Variants in MARCHF1 observed in about 807,000 individuals in gnomAD.
MARCHF1 encodes the protein membrane associated ring-CH-type finger 1, also known as E3 ubiquitin-protein ligase MARCHF1.
A neutral mutation model predicts 54.2 loss-of-function variants in MARCHF1; 40 were observed. The ratio of observed to expected loss-of-function variants is 0.74; its 90% CI spans 0.57 to 0.96. The LOEUF (loss-of-function observed/expected upper bound fraction) is 0.96. Among genes scored for constraint, MARCHF1 ranks in the 40% least tolerant of loss-of-function variants. MARCHF1 has a pLI of 0.00. For missense variants in MARCHF1, 586 were observed against 656.5 expected (o/e 0.89, Z 1.17); for synonymous variants, 236 against 236.3 (o/e 1.00, Z 0.01).
intron 5 of MARCHF1, among the ~76,000 whole-genome samples, chr4:163,635,303 C>CCA (rs1260037819): frequency 6.8e-6 from 1 of 146,094 alleles, no homozygotes; most frequent in Non-Finnish European, 1.5e-5. Flanking sequence ...ATTAATGAAT[C>CCA]CAGGAGCTGG....
chr4:164,228,591 T>C (rs1364424339), intron 1 of MARCHF1, among the ~76,000 whole-genome samples: 2 of 152,144 alleles, frequency 1.3e-5, no homozygotes, highest in African/African-American at 4.8e-5. Context: ...CAACTGGATA[T>C]TTGACTTTTT....
chr4:163,612,329 G>T lies in MARCHF1; in HGVS notation c.952C>A (p.Pro318Thr). Residue 318 changes from proline (P) to threonine (T), a missense_variant, in exon 7 of 10, where the codon CCT becomes ACT. Physicochemically the swap from Pro to Thr is conservative, Grantham distance 38. Around this residue, in one of 3 missense-constraint regions of MARCHF1, gnomAD observed 387 missense variants for 394.6 expected, o/e 0.98. Transcript: ENST00000514618. ...MNDAGLQVNN[P>T]VQKPPATYDD... ...TAGGTGGCAGGAGGCTTCTGAACAG[G>T]GTTATTCACCTGGAGCCCTGCATCA... 6.5e-7 allele frequency: 1 copy of T among 1,534,020 alleles called. No individual in the cohort carries two copies. Among genetic ancestry groups the T allele is most frequent in the Non-Finnish European group, 8.7e-7 (1 of 1,145,984 alleles).
chr4:163,901,885 G>C (rs997424229), intron 3 of MARCHF1, among the ~76,000 whole-genome samples: 2 of 152,138 alleles, frequency 1.3e-5, no homozygotes, highest in Admixed American at 6.6e-5. Context: ...TTGTCTTCCT[G>C]TCTAAAAGCC....
chr4:163,769,759 G>C (rs1266541541), intron 4 of MARCHF1, among the ~76,000 whole-genome samples: 1 of 152,112 alleles, frequency 6.6e-6, no homozygotes, highest in Non-Finnish European at 1.5e-5. Flanking sequence ...ATGAGTAATT[G>C]CACCATAACC....
chr4:163,580,400 C>T (rs1442378645), intron 8 of MARCHF1, among the ~76,000 whole-genome samples: 2 of 151,976 alleles, frequency 1.3e-5, no homozygotes, highest in Non-Finnish European at 2.9e-5. Flanking sequence ...TTTTATAAGC[C>T]CTAACTCTTT....
chr4:163,963,663 C>A (rs1261344207), intron 3 of MARCHF1, among the ~76,000 whole-genome samples: 2 of 151,910 alleles, frequency 1.3e-5, no homozygotes, highest in Non-Finnish European at 2.9e-5. Context: ...ATTAATTTGA[C>A]AAATAAAATA....
Position 163,789,618 on chromosome 4 carries a change from A to G in MARCHF1, c.111+64403T>C, listed in dbSNP as rs984778394. 2.0e-5 allele frequency among the ~76,000 whole-genome samples: 3 copies of G among 152,228 alleles called. 1 individual carries two copies. The South Asian group carries it at 6.2e-4, about 32-fold the overall frequency. On this transcript the variant is annotated intron_variant, in intron 4 of 9. Coordinates refer to ENST00000514618, the MANE Select transcript of MARCHF1 (RefSeq NM_001394959.1). ...TTCTTGGCTCTCTCTATTATGATTT[A>G]GAAAGTCTGTGGTGGGGCATAAATT...
chr4:163,724,375 G>A (rs189995314), intron 4 of MARCHF1, among the ~76,000 whole-genome samples: 368 of 152,332 alleles, frequency 2.4e-3, no homozygotes, highest in Non-Finnish European at 4.1e-3. Flanking sequence ...TGGAAGCTTC[G>A]TCTCAGAGGG....
chr4:163,904,747 G>T (rs1159049656), intron 3 of MARCHF1, among the ~76,000 whole-genome samples: 1 of 149,456 alleles, frequency 6.7e-6, no homozygotes, highest in Non-Finnish European at 1.5e-5. Flanking sequence ...TTTCAGTATG[G>T]TTTCCAGGAG....
chr4:163,911,704 A>C (rs1221487479), intron 3 of MARCHF1, among the ~76,000 whole-genome samples: 1 of 152,196 alleles, frequency 6.6e-6, no homozygotes, highest in African/African-American at 2.4e-5. Flanking sequence ...AATTAAGGTA[A>C]AACGATGTCA....
At chr4:163,986,078 T>A (rs1408141672) in intron 3 of MARCHF1, among the ~76,000 whole-genome samples, 1 of 151,890 alleles carries the variant, frequency 6.6e-6, no homozygotes, top group East Asian at 1.9e-4. Flanking sequence ...GATTGACTAA[T>A]ATGTTTTAAA....
At chr4:163,699,602 A>G (rs1004869490) in intron 5 of MARCHF1, among the ~76,000 whole-genome samples, 4 of 152,130 alleles carry the variant, frequency 2.6e-5, no homozygotes, top group African/African-American at 7.2e-5. Flanking sequence ...GATTATGACT[A>G]TTTTGGGGAT....
At chr4:164,139,198 A>G (rs1251449869) in intron 1 of MARCHF1, among the ~76,000 whole-genome samples, 1 of 152,126 alleles carries the variant, frequency 6.6e-6, no homozygotes, top group African/African-American at 2.4e-5. Context: ...AATAATAAAC[A>G]CACATGAACA....
At chr4:164,140,324 C>A (rs1318496775) in intron 1 of MARCHF1, among the ~76,000 whole-genome samples, 2 of 151,074 alleles carry the variant, frequency 1.3e-5, no homozygotes, top group Admixed American at 1.3e-4. Flanking sequence ...ACAAAAAAAT[C>A]AACCCTCAAA....
rs967506736 is a variant in MARCHF1, at chr4:164,105,602, A to C, written c.-248+5986T>G. ...ACTGGATCCCTTCCTTACACCTTAT[A>C]CAAAAATCAATTCAAGATGGATTAA... On this transcript the variant is annotated intron_variant, in intron 2 of 9. Transcript: ENST00000514618. Among the ~76,000 whole-genome samples, 19 of 100,994 alleles carry C rather than the reference A, an allele frequency of 1.9e-4. No individual in the cohort carries two copies. In the East Asian group the frequency reaches 2.6e-3, roughly 14 times the overall value. 66.3% of individuals were successfully genotyped at this position (100,994 alleles called of 152,430 possible). A position where few individuals can be genotyped will look rare whatever the true frequency, so the allele number is the denominator to read the frequency against.
intron 1 of MARCHF1, among the ~76,000 whole-genome samples, chr4:164,236,808 C>A (rs903032131): frequency 6.6e-6 from 1 of 152,132 alleles, no homozygotes; most frequent in African/African-American, 2.4e-5. Context: ...ATTTGGAACA[C>A]CTTTCAAGTA....
At chr4:163,985,299 G>A (rs1303095020) in intron 3 of MARCHF1, among the ~76,000 whole-genome samples, 1 of 152,078 alleles carries the variant, frequency 6.6e-6, no homozygotes, top group African/African-American at 2.4e-5. Context: ...CAGAGTTGGT[G>A]CCTCTGAAAG....
chr4:163,921,119 C>T (rs192795090), intron 3 of MARCHF1, among the ~76,000 whole-genome samples: 1 of 152,160 alleles, frequency 6.6e-6, no homozygotes, highest in African/African-American at 2.4e-5. Flanking sequence ...CAAACTAAGG[C>T]TAAATAAGTG....
chr4:163,904,566 AG>A (rs1054458189), intron 3 of MARCHF1, among the ~76,000 whole-genome samples: 3 of 152,184 alleles, frequency 2.0e-5, no homozygotes. Context: ...AAATGAGCAC[AG>A]TTAGAGAAAA....
Sources: gnomAD v4.1 joint callset for allele counts (sites outside exome capture counted in the v4.1 genomes callset) on GRCh38, gnomAD v4.1.1 for gene constraint, gnomAD v4.1.1 regional missense constraint, MANE v1.5 for transcripts, NCBI Gene and HGNC (gene_info 2026-07-23, HGNC 2026-07-21) for gene names.